SEMA3A: variants seen among roughly 807,000 people sequenced by gnomAD.
SEMA3A encodes semaphorin-3A.
Under a neutral mutation model 97.9 loss-of-function variants are expected in SEMA3A, and 29 were observed. That is an observed-to-expected ratio of 0.30 (90% CI 0.22 to 0.40). The LOEUF is 0.40. Among genes scored for constraint, SEMA3A ranks in the 10% least tolerant of loss-of-function variants. The pLI, the probability that SEMA3A is intolerant of heterozygous loss-of-function variation, is 1.00. For missense variants in SEMA3A, 763 were observed against 951.3 expected, an observed-to-expected ratio of 0.80 and a Z score of 2.60; for synonymous variants, 321 against 323.7, an observed-to-expected ratio of 0.99 and a Z score of 0.09.
intron 1 of SEMA3A, among the ~76,000 whole-genome samples, chr7:84,449,632 C>A (rs1290586625): frequency 6.6e-6 from 1 of 152,088 alleles, no homozygotes; most frequent in Non-Finnish European, 1.5e-5. Flanking sequence ...AATTGCCTCA[C>A]ACAATGAGGG....
chr7:84,474,125 C>A (rs987544393), intron 1 of SEMA3A, among the ~76,000 whole-genome samples: 1 of 152,134 alleles, frequency 6.6e-6, no homozygotes, highest in East Asian at 1.9e-4. Flanking sequence ...TTTTATCTGA[C>A]TATAACATAA....
chr7:84,083,223 C>A (rs1213687779), intron 4 of SEMA3A, among the ~76,000 whole-genome samples: 1 of 151,884 alleles, frequency 6.6e-6, no homozygotes, highest in Non-Finnish European at 1.5e-5. Context: ...TATATATACA[C>A]ACACACGTAT....
chr7:84,435,254 TACACAC>T (rs34631045), intron 1 of SEMA3A, among the ~76,000 whole-genome samples: 5 of 148,052 alleles, frequency 3.4e-5, no homozygotes, highest in Admixed American at 6.7e-5. Flanking sequence ...GTACAACAGC[TACACAC>T]ACACACACAC....
Position 84,421,681 on chromosome 7 carries a change from G to C in SEMA3A, c.-245-49781C>G, listed in dbSNP as rs150561481. Reference sequence around the variant, plus strand: ...TCATAAATAGCTCTTATTATTTTGAGATACGTTCCATCAATACCTAGTTTA... The same window carrying C: ...TCATAAATAGCTCTTATTATTTTGACATACGTTCCATCAATACCTAGTTTA... On this transcript the variant is annotated intron_variant, in intron 1 of 3. Coordinates refer to the SEMA3A transcript ENST00000424555. Among the ~76,000 whole-genome samples, 22 of 152,110 alleles carry C rather than the reference G, an allele frequency of 1.4e-4. No individual in the cohort carries two copies. In the East Asian group the frequency reaches 4.1e-3, roughly 28 times the overall value.
chr7:84,448,256 T>C lies in SEMA3A; in HGVS notation c.-246+44204A>G, dbSNP rs2527531. Among the ~76,000 whole-genome samples, 908 of 152,242 alleles carry C rather than the reference T, an allele frequency of 6.0e-3. 10 individuals carry two copies. Among genetic ancestry groups the C allele is most frequent in the African/African-American group, 0.02 (847 of 41,536 alleles). ...CTGGCTGGCGAAGTGACACCCCAAT[T>C]ATCCCGTGAAACTACTTCTGTTTCA... On this transcript the variant is annotated intron_variant, in intron 1 of 3. Transcript: ENST00000424555.
chr7:84,128,753 T>C (rs914100397), intron 3 of SEMA3A, among the ~76,000 whole-genome samples: 2 of 152,150 alleles, frequency 1.3e-5, no homozygotes, highest in Non-Finnish European at 2.9e-5. Context: ...TTCAAAATCC[T>C]GAAATCTGCA....
At chr7:84,091,357 A>AAGG (rs1562775081) in intron 4 of SEMA3A, among the ~76,000 whole-genome samples, 2 of 146,442 alleles carry the variant, frequency 1.4e-5, no homozygotes, top group Non-Finnish European at 3.0e-5. Context: ...AGGAAGGAAG[A>AAGG]AAGGAAGAAA....
chr7:84,352,091 C>G (rs1041739052), intron 2 of SEMA3A, among the ~76,000 whole-genome samples: 3 of 149,014 alleles, frequency 2.0e-5, no homozygotes, highest in Non-Finnish European at 4.4e-5. Context: ...ATGGATGGAA[C>G]TGGAGGACCT....
chr7:84,056,050 T>A (rs1792960997), intron 5 of SEMA3A, among the ~76,000 whole-genome samples: 1 of 152,202 alleles, frequency 6.6e-6, no homozygotes, highest in East Asian at 1.9e-4. Context: ...CATGGGCAGT[T>A]TAACATTTCA....
At chr7:84,427,717 C>A (rs1005926391) in intron 1 of SEMA3A, among the ~76,000 whole-genome samples, 2 of 147,978 alleles carry the variant, frequency 1.4e-5, no homozygotes, top group Non-Finnish European at 1.5e-5. Context: ...ATGTATTACC[C>A]TTTTAGATGC....
chr7:84,132,662 GTT>G lies in SEMA3A; in HGVS notation c.270+2130_270+2131del, dbSNP rs55830654. ...TCTAATTTTTCTTCATCGACTTGGT[GTT>G]TTTTTTTTTTTTTTTTTTTTTTTTT... On this transcript the variant is annotated intron_variant, in intron 2 of 16. Coordinates refer to ENST00000265362, the MANE Select transcript of SEMA3A (RefSeq NM_006080.3). Among the ~76,000 whole-genome samples the G allele has an allele frequency of 4.5e-4, 39 of 86,652 alleles. 3 individuals are homozygous for G. The highest frequency in any genetic ancestry group is 1.2e-3 in the African/African-American group (30 of 25,252). 56.8% of individuals were successfully genotyped at this position (86,652 alleles called of 152,430 possible).
At chr7:84,337,508 T>C (rs1053546450) in intron 2 of SEMA3A, among the ~76,000 whole-genome samples, 2 of 152,126 alleles carry the variant, frequency 1.3e-5, no homozygotes, top group African/African-American at 4.8e-5. Flanking sequence ...TGGCAGTGTT[T>C]CAAAACATAT....
intron 1 of SEMA3A, among the ~76,000 whole-genome samples, chr7:84,165,405 T>C (rs1797170888): frequency 6.6e-6 from 1 of 152,080 alleles, no homozygotes; most frequent in African/African-American, 2.4e-5. Flanking sequence ...GGCATTTAGG[T>C]AACACCTGAT....
chr7:84,255,295 T>C (rs1799693986), intron 3 of SEMA3A, among the ~76,000 whole-genome samples: 1 of 152,126 alleles, frequency 6.6e-6, no homozygotes, highest in Non-Finnish European at 1.5e-5. Context: ...ATTCTGTAAA[T>C]TTGCTGTTCT....
At position 84,271,678 on chromosome 7, in the gene SEMA3A, C is replaced by G. The variant is rs543991932; in HGVS notation, c.-83+35529G>C. On this transcript the variant is annotated intron_variant, in intron 3 of 3. Coordinates refer to the SEMA3A transcript ENST00000424555. ...TCCTAAGCAATCTTACATAAGCCAC[C>G]AACTCTCTTTTATGTTGCAACCATG... 2.0e-5 allele frequency among the ~76,000 whole-genome samples: 3 copies of G among 152,080 alleles called. No homozygotes were observed. In the East Asian group the frequency reaches 5.8e-4, roughly 30 times the overall value.
chr7:84,172,778 G>A (rs1797431647), intron 1 of SEMA3A, among the ~76,000 whole-genome samples: 1 of 152,198 alleles, frequency 6.6e-6, no homozygotes, highest in South Asian at 2.1e-4. Flanking sequence ...CATGCTGTCT[G>A]AAAACAGGCA....
chr7:84,310,149 A>G (rs1226969810), intron 2 of SEMA3A, among the ~76,000 whole-genome samples: 2 of 152,170 alleles, frequency 1.3e-5, no homozygotes, highest in Non-Finnish European at 2.9e-5. Context: ...CAATGCAGTC[A>G]TCATGCTGGT....
At position 83,959,893 on chromosome 7, in the gene SEMA3A, T is replaced by C. The variant is rs771175300; in HGVS notation, c.*1478A>G. 6.6e-6 allele frequency: 1 copy of C among 152,030 alleles called. No homozygotes were observed. Among genetic ancestry groups the C allele is most frequent in the Non-Finnish European group, 1.5e-5 (1 of 67,930 alleles). 9.4% of individuals were successfully genotyped at this position (152,030 alleles called of 1,614,324 possible). On this transcript the variant is annotated 3_prime_UTR_variant, in exon 17 of 17. Transcript: ENST00000265362. ...GTCTTAGGACAATGAAGGAAGCAAATCTTGAATTTTAGTCTTTTACCTTAT... is the reference window on the plus strand; with the variant it reads ...GTCTTAGGACAATGAAGGAAGCAAACCTTGAATTTTAGTCTTTTACCTTAT...
At chr7:84,428,328 T>C (rs1000836608) in intron 1 of SEMA3A, among the ~76,000 whole-genome samples, 1 of 152,100 alleles carries the variant, frequency 6.6e-6, no homozygotes, top group Non-Finnish European at 1.5e-5. Context: ...AAGTATGACG[T>C]AAATATAATT....
Sources: allele counts gnomAD v4.1 joint callset (sites outside exome capture counted in the v4.1 genomes callset), GRCh38; gene constraint gnomAD v4.1.1; transcripts MANE v1.5; gene names NCBI Gene and HGNC (gene_info 2026-07-23, HGNC 2026-07-21).